PRKG1: variants seen among roughly 807,000 people sequenced by gnomAD.
PRKG1 encodes the protein protein kinase cGMP-dependent 1.
A neutral mutation model predicts 88.1 loss-of-function variants in PRKG1; 35 were observed. The ratio of observed to expected loss-of-function variants is 0.40; its 90% CI spans 0.30 to 0.53. PRKG1 has a LOEUF of 0.53. PRKG1 is among the 20% of genes least tolerant of loss of function. The probability of loss-of-function intolerance (pLI) is 0.59; values close to 1 mark genes in which losing one functional copy is unlikely to be tolerated. For synonymous variants in PRKG1, 303 were observed against 292.5 expected (o/e 1.04, Z -0.37); for missense variants, 540 against 839.8 (o/e 0.64, Z 4.41).
At chr10:51,857,720 T>A (rs1840718596) in intron 4 of PRKG1, among the ~76,000 whole-genome samples, 1 of 152,146 alleles carries the variant, frequency 6.6e-6, no homozygotes, top group Non-Finnish European at 1.5e-5. Context: ...TAAAGGCTTT[T>A]TCTTTAGAGC....
chr10:51,473,365 T>G (rs10997697), intron 3 of PRKG1, among the ~76,000 whole-genome samples: 67,031 of 151,582 alleles, frequency 0.44, 15,393 homozygotes, highest in African/African-American at 0.5. Context: ...AAACTATTAT[T>G]GAACTATATT....
chr10:51,068,279 G>C (rs1029470176), intron 1 of PRKG1, among the ~76,000 whole-genome samples: 4 of 151,974 alleles, frequency 2.6e-5, no homozygotes, highest in African/African-American at 9.7e-5. Context: ...TTAAGTTAAT[G>C]AGAGTGGAGA....
intron 3 of PRKG1, among the ~76,000 whole-genome samples, chr10:51,580,642 G>C (rs1012420825): frequency 2.0e-5 from 3 of 152,020 alleles, no homozygotes; most frequent in African/African-American, 7.2e-5. Flanking sequence ...ACAGCCTTTT[G>C]TCTTCCATAA....
At position 51,996,334 on chromosome 10, in the gene PRKG1, A is replaced by AAAG. The variant is rs1382633987; in HGVS notation, c.763-58148_763-58147insGAA. ...CATCTCAAAAAAAAAAAAAAAAAAAAAAAAAAAAGATAACCTACAGAATGG... is the reference window on the plus strand; with the variant it reads ...CATCTCAAAAAAAAAAAAAAAAAAAAAAGAAAAAAAAGATAACCTACAGAATGG... On this transcript the variant is annotated intron_variant, in intron 5 of 17. Transcript: ENST00000373980. 4.6e-5 allele frequency among the ~76,000 whole-genome samples: 7 copies of AAAG among 150,684 alleles called. No homozygotes were observed. In the East Asian group the frequency reaches 1.4e-3, roughly 29 times the overall value.
chr10:51,337,631 C>T (rs1841908453), intron 2 of PRKG1, among the ~76,000 whole-genome samples: 1 of 151,916 alleles, frequency 6.6e-6, no homozygotes, highest in African/African-American at 2.4e-5. Context: ...TTCATGCGGC[C>T]CACAAACATA....
At chr10:51,022,327 C>A (rs966121944) in intron 1 of PRKG1, among the ~76,000 whole-genome samples, 4 of 152,166 alleles carry the variant, frequency 2.6e-5, no homozygotes, top group Non-Finnish European at 4.4e-5. Flanking sequence ...GAGGCTGGAG[C>A]CCCCTGTGTC....
At chr10:52,274,508 T>C (rs1220012373) in intron 12 of PRKG1, among the ~76,000 whole-genome samples, 3 of 147,808 alleles carry the variant, frequency 2.0e-5, no homozygotes, top group Admixed American at 1.4e-4. Context: ...TATATATATA[T>C]ACATGCCATC....
chr10:51,126,439 A>C (rs1845422325), intron 1 of PRKG1, among the ~76,000 whole-genome samples: 1 of 140,176 alleles, frequency 7.1e-6, no homozygotes, highest in Non-Finnish European at 1.5e-5. Flanking sequence ...ATATTTATAT[A>C]AATATTCATA....
chr10:51,996,627 A>G (rs568630058), intron 5 of PRKG1, among the ~76,000 whole-genome samples: 1 of 152,266 alleles, frequency 6.6e-6, no homozygotes, highest in Admixed American at 6.5e-5. Context: ...CAAAAAGATG[A>G]TGATAATAAG....
chr10:51,025,452 T>C (rs1229344007), intron 1 of PRKG1, among the ~76,000 whole-genome samples: 1 of 146,054 alleles, frequency 6.8e-6, no homozygotes, highest in African/African-American at 2.4e-5. Context: ...GAGCTGACTC[T>C]TTCTGCTTTG....
At chr10:51,722,841 G>A (rs1001613389) in intron 3 of PRKG1, among the ~76,000 whole-genome samples, 1 of 152,082 alleles carries the variant, frequency 6.6e-6, no homozygotes, top group Non-Finnish European at 1.5e-5. Context: ...ACTGCTAAAG[G>A]ACTGATTAAA....
intron 1 of PRKG1, among the ~76,000 whole-genome samples, chr10:51,051,750 A>T (rs1490880618): frequency 6.6e-6 from 1 of 152,134 alleles, no homozygotes; most frequent in African/African-American, 2.4e-5. Context: ...CCCATAATAC[A>T]CTGGCCTGCT....
chr10:51,295,744 A>T (rs1840703978), intron 2 of PRKG1, among the ~76,000 whole-genome samples: 1 of 152,116 alleles, frequency 6.6e-6, no homozygotes, highest in Non-Finnish European at 1.5e-5. Flanking sequence ...GGACATCCAT[A>T]TCTTATACCA....
chr10:51,981,228 T>C (rs1844001152), intron 5 of PRKG1, among the ~76,000 whole-genome samples: 1 of 152,222 alleles, frequency 6.6e-6, no homozygotes, highest in Non-Finnish European at 1.5e-5. Context: ...ATCGTATTTC[T>C]CTTTCACATA....
At chr10:51,511,432 G>A (rs1194216746) in intron 3 of PRKG1, among the ~76,000 whole-genome samples, 1 of 152,114 alleles carries the variant, frequency 6.6e-6, no homozygotes. Context: ...AGCTATTTGA[G>A]TGACTTACTT....
intron 3 of PRKG1, among the ~76,000 whole-genome samples, chr10:51,486,332 T>C (rs1314435374): frequency 1.3e-5 from 2 of 152,136 alleles, no homozygotes; most frequent in African/African-American, 4.8e-5. Context: ...AGTTGTATCT[T>C]GTAAATAAGA....
intron 2 of PRKG1, among the ~76,000 whole-genome samples, chr10:51,278,215 G>A (rs1840184157): frequency 6.6e-6 from 1 of 152,164 alleles, no homozygotes; most frequent in South Asian, 2.1e-4. Context: ...AGATAATCAT[G>A]TGGTTTTTGT....
In PRKG1 at chr10:51,392,551, A is replaced by G. The variant is rs867920899; in HGVS notation, c.479-75172A>G. On this transcript the variant is annotated intron_variant, in intron 2 of 17. Transcript: ENST00000373980. ...TACTTCTTTCTACACAGACACGGCAACCATCCGATTTCTCAATCTTTTCCC... is the reference window on the plus strand; with the variant it reads ...TACTTCTTTCTACACAGACACGGCAGCCATCCGATTTCTCAATCTTTTCCC... Among the ~76,000 whole-genome samples the G allele has an allele frequency of 4.6e-5, 7 of 152,060 alleles. No individual in the cohort carries two copies. In the East Asian group the frequency reaches 5.8e-4, roughly 13 times the overall value.
At chr10:51,439,005 T>TC (rs1266435258) in intron 2 of PRKG1, among the ~76,000 whole-genome samples, 11 of 134,488 alleles carry the variant, frequency 8.2e-5, no homozygotes, top group Admixed American at 6.4e-4. Context: ...ATTGGGATTT[T>TC]TTTTTTTAAA....
Sources: gnomAD v4.1 joint callset for allele counts (sites outside exome capture counted in the v4.1 genomes callset) on GRCh38, gnomAD v4.1.1 for gene constraint, MANE v1.5 for transcripts, NCBI Gene and HGNC (gene_info 2026-07-23, HGNC 2026-07-21) for gene names.